Variants in MACROD2 observed in about 807,000 individuals in gnomAD.
MACROD2 encodes ADP-ribose glycohydrolase MACROD2.
Under a neutral mutation model 70.4 loss-of-function variants are expected in MACROD2, and 36 were observed. That is an observed-to-expected ratio of 0.51 (90% CI 0.39 to 0.68). The LOEUF (loss-of-function observed/expected upper bound fraction) is 0.68. MACROD2 is among the 30% of genes least tolerant of loss of function. The pLI, the probability that MACROD2 is intolerant of heterozygous loss-of-function variation, is 0.00. For missense variants in MACROD2, 496 were observed against 538.4 expected (o/e 0.92, Z 0.78); for synonymous variants, 172 against 178.8 (o/e 0.96, Z 0.30).
At chr20:15,819,313 A>G (rs2063911418) in intron 8 of MACROD2, among the ~76,000 whole-genome samples, 1 of 142,864 alleles carries the variant, frequency 7.0e-6, no homozygotes, top group Admixed American at 7.2e-5. Context: ...AAATATATAT[A>G]CTTATATATA....
At chr20:15,401,060 C>T (rs368037073) in intron 6 of MACROD2, among the ~76,000 whole-genome samples, 10 of 150,356 alleles carry the variant, frequency 6.7e-5, no homozygotes, top group Admixed American at 1.3e-4. Flanking sequence ...TTTTTTGAGA[C>T]GGAGTCTTGC....
intron 2 of MACROD2, among the ~76,000 whole-genome samples, chr20:14,057,018 A>G (rs758936300): frequency 8.5e-5 from 13 of 152,244 alleles, no homozygotes; most frequent in East Asian, 5.8e-4. Context: ...AAAATATTCA[A>G]TCTTTTCATT....
At chr20:15,056,191 CACAG>C (rs2075484150) in intron 5 of MACROD2, among the ~76,000 whole-genome samples, 1 of 152,148 alleles carries the variant, frequency 6.6e-6, no homozygotes, top group Non-Finnish European at 1.5e-5. Context: ...CCAGGTAAAA[CACAG>C]AGCACTCTTC....
chr20:14,296,150 TAG>T (rs1054802007), intron 3 of MACROD2, among the ~76,000 whole-genome samples: 2 of 151,910 alleles, frequency 1.3e-5, no homozygotes, highest in Admixed American at 6.6e-5. Context: ...GCCATGCCCA[TAG>T]ACTATGAGTC....
In MACROD2 at chr20:15,095,064, CTTTTTTTTTTT is replaced by C. The variant is rs373794823; in HGVS notation, c.419-134855_419-134845del. Among the ~76,000 whole-genome samples, 261 of 89,292 alleles carry C rather than the reference CTTTTTTTTTTT, an allele frequency of 2.9e-3. 9 individuals carry two copies. Among genetic ancestry groups the C allele is most frequent in the East Asian group, 0.023 (80 of 3,428 alleles). 58.6% of individuals were successfully genotyped at this position (89,292 alleles called of 152,430 possible). Reference sequence around the variant, plus strand: ...TATCTTTTCACTGTGGTCTCCTCTTCTTTTTTTTTTTTTTTTTTTTTTTTTTTTTTTAGACA... The same window carrying C: ...TATCTTTTCACTGTGGTCTCCTCTTCTTTTTTTTTTTTTTTTTTTTAGACA... On this transcript the variant is annotated intron_variant, in intron 5 of 17. Transcript: ENST00000684519.
In MACROD2 at chr20:14,187,573, G is replaced by C. The variant is rs995689683; in HGVS notation, c.271+101845G>C. Reference sequence around the variant, plus strand: ...AAAAATCAACAAAGGACATATAACTGGTTTATTCTTTGATCTAAAAGTTAG... The same window carrying C: ...AAAAATCAACAAAGGACATATAACTCGTTTATTCTTTGATCTAAAAGTTAG... On this transcript the variant is annotated intron_variant, in intron 3 of 17. Coordinates refer to ENST00000684519, the MANE Select transcript of MACROD2 (RefSeq NM_001351661.2). Among the ~76,000 whole-genome samples the C allele has an allele frequency of 2.6e-5, 4 of 152,032 alleles. No individual in the cohort carries two copies. The East Asian group carries it at 5.8e-4, about 22-fold the overall frequency.
intron 4 of MACROD2, among the ~76,000 whole-genome samples, chr20:14,666,016 CT>C (rs1424491317): frequency 6.6e-6 from 1 of 152,004 alleles, no homozygotes; most frequent in African/African-American, 2.4e-5. Context: ...TTTAAATATG[CT>C]TTTTAAAAAA....
chr20:15,657,087 A>C (rs1423084423), intron 8 of MACROD2, among the ~76,000 whole-genome samples: 4 of 152,144 alleles, frequency 2.6e-5, no homozygotes, highest in Non-Finnish European at 4.4e-5. Flanking sequence ...AGAATGAAAA[A>C]AGGTAAGGAC....
intron 2 of MACROD2, among the ~76,000 whole-genome samples, chr20:14,029,876 A>T (rs994417957): frequency 6.6e-6 from 1 of 152,172 alleles, no homozygotes. Context: ...AACACCATTG[A>T]GTTTCTTTCT....
intron 5 of MACROD2, chr20:15,021,621 T>C (rs936456436): frequency 6.6e-6 from 1 of 151,862 alleles, no homozygotes; most frequent in Non-Finnish European, 1.5e-5. Context: ...ATTCTCTGTA[T>C]CATTCCAATT....
chr20:14,630,352 T>C (rs1312023897), intron 4 of MACROD2, among the ~76,000 whole-genome samples: 1 of 152,230 alleles, frequency 6.6e-6, no homozygotes, highest in Non-Finnish European at 1.5e-5. Flanking sequence ...GTAAGAGAAG[T>C]AGGAAAAGCA....
intron 8 of MACROD2, among the ~76,000 whole-genome samples, chr20:15,852,174 G>T (rs2064306942): frequency 6.6e-6 from 1 of 152,160 alleles, no homozygotes; most frequent in Non-Finnish European, 1.5e-5. Context: ...TCAATATGAG[G>T]CAGGCTCGGA....
chr20:14,228,321 T>C (rs2081764263), intron 3 of MACROD2, among the ~76,000 whole-genome samples: 1 of 139,114 alleles, frequency 7.2e-6, no homozygotes, highest in Non-Finnish European at 1.6e-5. Context: ...TTTAAGGAAA[T>C]GGTCATAAAT....
At chr20:14,679,744 T>TA (rs2070908186) in intron 4 of MACROD2, among the ~76,000 whole-genome samples, 1 of 152,054 alleles carries the variant, frequency 6.6e-6, no homozygotes, top group African/African-American at 2.4e-5. Context: ...CACACGCTTT[T>TA]TTTCAAGTGC....
chr20:16,049,850 A>G lies in MACROD2; in HGVS notation c.1321A>G (p.Lys441Glu), dbSNP rs981102416. ...QLIAGAQDEAKEQRNGTK is the reference protein window; with the variant it reads ...QLIAGAQDEAEEQRNGTK ...TTCAGCAGGGGCACAAGATGAAGCG[A>G]AGGAACAAAGAAATGGAACTAAATG... is the stretch of plus-strand genomic sequence containing the variant. Residue 441 changes from lysine to glutamate, a missense_variant, in exon 18 of 18, where the codon AAG becomes GAG. Lys to Glu is a moderately conservative substitution (Grantham distance 56). Coordinates refer to ENST00000684519, the MANE Select transcript of MACROD2 (RefSeq NM_001351661.2). The G allele has an allele frequency of 6.2e-7, 1 of 1,612,012 alleles. No individual in the cohort carries two copies. Among genetic ancestry groups the G allele is most frequent in the Admixed American group, 1.7e-5 (1 of 59,894 alleles).
chr20:15,689,086 C>T (rs564965426), intron 8 of MACROD2, among the ~76,000 whole-genome samples: 2 of 152,156 alleles, frequency 1.3e-5, no homozygotes, highest in African/African-American at 2.4e-5. Context: ...GGCAGATCAC[C>T]GGAGGTCAGG....
intron 5 of MACROD2, among the ~76,000 whole-genome samples, chr20:15,102,012 T>A (rs425230): frequency 0.84 from 128,166 of 151,984 alleles, 54,883 homozygotes; most frequent in Non-Finnish European, 0.9. Context: ...ATGCACAAAA[T>A]GCTCAAATCA....
At chr20:14,371,305 C>A (rs1272098703) in intron 3 of MACROD2, among the ~76,000 whole-genome samples, 2 of 151,986 alleles carry the variant, frequency 1.3e-5, no homozygotes, top group African/African-American at 4.8e-5. Flanking sequence ...GGCAACACAG[C>A]AAGACCCCAT....
chr20:15,088,840 T>G (rs2075772675), intron 5 of MACROD2, among the ~76,000 whole-genome samples: 1 of 151,994 alleles, frequency 6.6e-6, no homozygotes, highest in Non-Finnish European at 1.5e-5. Context: ...TTAGAACCTC[T>G]TAGGAGGAGA....
Sources: gnomAD v4.1 joint callset for allele counts (sites outside exome capture counted in the v4.1 genomes callset) on GRCh38, gnomAD v4.1.1 for gene constraint, MANE v1.5 for transcripts, NCBI Gene and HGNC (gene_info 2026-07-23, HGNC 2026-07-21) for gene names.